STK38L: variants seen among roughly 807,000 people sequenced by gnomAD.
The protein encoded by STK38L is serine/threonine kinase 38 like.
A neutral mutation model predicts 59.7 loss-of-function variants in STK38L; 28 were observed. The observed-to-expected ratio is 0.47, with a 90% CI of 0.35 to 0.64. STK38L has a LOEUF of 0.64. Among genes scored for constraint, STK38L ranks in the 30% least tolerant of loss-of-function variants. The pLI is 0.01. For synonymous variants in STK38L, 162 were observed against 176.8 expected (o/e 0.92, Z 0.66); for missense variants, 314 against 555.8 (o/e 0.56, Z 4.37).
intron 1 of STK38L, among the ~76,000 whole-genome samples, chr12:27,260,627 A>G (rs906356028): frequency 1.3e-5 from 2 of 151,990 alleles, no homozygotes; most frequent in African/African-American, 4.8e-5. Context: ...CTTACCATAC[A>G]TGCTGTGTGG....
intron 1 of STK38L, among the ~76,000 whole-genome samples, chr12:27,268,364 TG>T (rs1565528883): frequency 6.6e-6 from 1 of 151,676 alleles, no homozygotes; most frequent in Admixed American, 6.6e-5. Flanking sequence ...TGAGAACATG[TG>T]GTGTTTGGTT....
intron 2 of STK38L, 24 bp downstream of exon 2, chr12:27,297,878 T>C (rs997105104): frequency 6.2e-7 from 1 of 1,610,258 alleles, no homozygotes; most frequent in South Asian, 1.1e-5. Context: ...TAATCAAAAC[T>C]TTTTTTAGTT....
chr12:27,319,402 G>A lies in STK38L; in HGVS notation c.1154G>A (p.Gly385Asp). ...ATAAAAGGTCATCCCTTTTTTGAAG[G>A]TGTCGACTGGGAGCACATAAGGTAT... is the stretch of plus-strand genomic sequence containing the variant. ...EEIKGHPFFE[G>D]VDWEHIRERP... Residue 385 changes from glycine to aspartate, a missense_variant, in exon 12 of 14, where the codon GGT becomes GAT. Around this residue, in one of 3 missense-constraint regions of STK38L, gnomAD observed 94 missense variants for 142.2 expected, o/e 0.66. Coordinates refer to ENST00000389032, the MANE Select transcript of STK38L (RefSeq NM_015000.4). The A allele has an allele frequency of 6.2e-7, 1 of 1,613,128 alleles. No homozygotes were observed. The highest frequency in any genetic ancestry group is 8.5e-7 in the Non-Finnish European group (1 of 1,179,498).
At chr12:27,301,198 G>T (rs1221902048) in intron 2 of STK38L, among the ~76,000 whole-genome samples, 1 of 152,164 alleles carries the variant, frequency 6.6e-6, no homozygotes, top group African/African-American at 2.4e-5. Context: ...TAAAAAAAAT[G>T]AATAACTGAA....
intron 1 of STK38L, among the ~76,000 whole-genome samples, chr12:27,294,866 A>G (rs887825842): frequency 6.7e-6 from 1 of 149,840 alleles, no homozygotes; most frequent in African/African-American, 2.5e-5. Context: ...GTGCACTACC[A>G]CACCTAGCTA....
intron 7 of STK38L, 56 bp from the exon 8 acceptor site, chr12:27,314,958 AC>A (rs1314892582): frequency 3.7e-6 from 5 of 1,361,306 alleles, no homozygotes; most frequent in Non-Finnish European, 5.1e-6. Context: ...GGAGTTTATA[AC>A]AAGGCTTTTT....
At chr12:27,299,669 A>G (rs1944115466) in intron 2 of STK38L, among the ~76,000 whole-genome samples, 1 of 152,190 alleles carries the variant, frequency 6.6e-6, no homozygotes, top group African/African-American at 2.4e-5. Flanking sequence ...TGATCTTAGT[A>G]GAAAGGGCAT....
chr12:27,256,403 G>A (rs905569301), intron 1 of STK38L, among the ~76,000 whole-genome samples: 2 of 151,974 alleles, frequency 1.3e-5, no homozygotes, highest in East Asian at 1.9e-4. Context: ...TTGTACCTTC[G>A]GTCTCACACA....
intron 1 of STK38L, among the ~76,000 whole-genome samples, chr12:27,292,850 A>T (rs1943926308): frequency 6.6e-6 from 1 of 152,346 alleles, no homozygotes; most frequent in East Asian, 1.9e-4. Flanking sequence ...TGATGGAAGA[A>T]ACCTCATCTT....
chr12:27,266,978 A>G (rs1943314034), intron 1 of STK38L, among the ~76,000 whole-genome samples: 1 of 152,250 alleles, frequency 6.6e-6, no homozygotes, highest in African/African-American at 2.4e-5. Flanking sequence ...TTTGTAGAAC[A>G]CATTGGACAA....
chr12:27,251,891 GATAAA>G (rs1942982473), intron 1 of STK38L, among the ~76,000 whole-genome samples: 2 of 152,198 alleles, frequency 1.3e-5, no homozygotes. Flanking sequence ...AAACAATTAT[GATAAA>G]GGAATAGGGT....
chr12:27,315,433 TA>T, intron 9 of STK38L, 83 bp downstream of exon 9: 2 of 1,055,942 alleles, frequency 1.9e-6, no homozygotes, highest in Non-Finnish European at 2.8e-6. Context: ...TTTATCTTTA[TA>T]ATAATTAGTA....
intron 1 of STK38L, among the ~76,000 whole-genome samples, chr12:27,279,555 T>A (rs1943607922): frequency 6.6e-6 from 1 of 151,982 alleles, no homozygotes; most frequent in African/African-American, 2.4e-5. Flanking sequence ...TGAAACCCTG[T>A]CTGTACGAAA....
intron 2 of STK38L, chr12:27,300,708 G>A (rs780962890): frequency 9.2e-6 from 4 of 434,442 alleles, no homozygotes; most frequent in Non-Finnish European, 1.9e-5. Context: ...AGTGTAATAA[G>A]CACCAAGGTA....
chr12:27,251,978 A>G (rs1415519240), intron 1 of STK38L, among the ~76,000 whole-genome samples: 6 of 149,518 alleles, frequency 4.0e-5, no homozygotes, highest in Non-Finnish European at 8.9e-5. Flanking sequence ...GAGGTATCTT[A>G]CAGTAGCACT....
Position 27,308,880 on chromosome 12 carries a change from A to G in STK38L, c.310-234A>G, listed in dbSNP as rs915465975. 6.2e-4 allele frequency among the ~76,000 whole-genome samples: 91 copies of G among 146,638 alleles called. No individual in the cohort carries two copies. Among genetic ancestry groups the G allele is most frequent in the Non-Finnish European group, 1.0e-3 (69 of 66,678 alleles). The stretch of plus-strand genomic sequence containing the variant: ...AAAAAATATATATAAATATAAATAT[A>G]TATAAATGTAAATATATAAATATAT... On this transcript the variant is annotated intron_variant, in intron 4 of 13. Coordinates refer to ENST00000389032, the MANE Select transcript of STK38L (RefSeq NM_015000.4). This position sits in a 1 kb window ranked among gnomAD's most constrained non-coding sequence, Gnocchi z 4.5.
At chr12:27,303,293 C>T (rs983981238) in intron 3 of STK38L, among the ~76,000 whole-genome samples, 1 of 151,918 alleles carries the variant, frequency 6.6e-6, no homozygotes, top group African/African-American at 2.4e-5. Flanking sequence ...GTGGGAGGAT[C>T]ACCTGAGCCT....
intron 1 of STK38L, among the ~76,000 whole-genome samples, chr12:27,279,688 A>AT (rs10666650): frequency 0.66 from 88,110 of 133,700 alleles, 29,863 homozygotes; most frequent in Non-Finnish European, 0.77. Context: ...AAAAAAAAAA[A>AT]TTTTTTTTTT....
At chr12:27,292,986 G>T (rs897513239) in intron 1 of STK38L, among the ~76,000 whole-genome samples, 2 of 151,978 alleles carry the variant, frequency 1.3e-5, no homozygotes, top group Non-Finnish European at 2.9e-5. Flanking sequence ...TGTTACCCAG[G>T]CTGGAGTCCA....
Sources: gnomAD v4.1 joint callset for allele counts (sites outside exome capture counted in the v4.1 genomes callset) on GRCh38, gnomAD v4.1.1 for gene constraint, gnomAD v4.1.1 regional missense constraint, Gnocchi (gnomAD v3.1) non-coding constraint, MANE v1.5 for transcripts, NCBI Gene and HGNC (gene_info 2026-07-23, HGNC 2026-07-21) for gene names.